DCLK1: variants seen among roughly 807,000 people sequenced by gnomAD.
DCLK1 encodes doublecortin like kinase 1, also known as serine/threonine-protein kinase DCLK1.
A neutral mutation model predicts 86.2 loss-of-function variants in DCLK1; 16 were observed. The observed-to-expected ratio is 0.19, with a 90% CI of 0.13 to 0.28. The LOEUF is 0.28. Among genes scored for constraint, DCLK1 ranks in the 10% least tolerant of loss-of-function variants. The pLI is 1.00. For missense variants in DCLK1, 590 were observed against 940.2 expected (o/e 0.63, Z 4.87); for synonymous variants, 369 against 370.5 (o/e 1.00, Z 0.05).
chr13:36,114,516 C>T (rs1370055792), intron 2 of DCLK1, among the ~76,000 whole-genome samples: 2 of 152,328 alleles, frequency 1.3e-5, no homozygotes, highest in East Asian at 3.9e-4. Flanking sequence ...CATTTAGAGT[C>T]TGTGACACTA....
rs1023697400 is a variant in DCLK1 at position 35,769,780 on chromosome 13, G to A, written c.*4755C>T. 6.6e-6 allele frequency: 1 copy of A among 152,080 alleles called. No homozygotes were observed. Among genetic ancestry groups the A allele is most frequent in the African/African-American group, 2.4e-5 (1 of 41,412 alleles). 9.4% of individuals were successfully genotyped at this position (152,080 alleles called of 1,614,324 possible). ...ATTTTACATTAAAGCAACATTAAGG[G>A]TCTCAATTTCATTGAACAGAAACAA... On this transcript the variant is annotated 3_prime_UTR_variant, in exon 17 of 17. Transcript: ENST00000360631.
Position 35,864,336 on chromosome 13 carries a change from C to A in DCLK1, c.940+6888G>T, listed in dbSNP as rs138801057. 1.6e-5 allele frequency among the ~76,000 whole-genome samples: 2 copies of A among 124,826 alleles called. 1 individual carries two copies. Among genetic ancestry groups the A allele is most frequent in the Admixed American group, 1.6e-4 (2 of 12,192 alleles). The allele number at this position is 124,826 out of a possible 152,430, so 81.9% of individuals were successfully genotyped here. On this transcript the variant is annotated intron_variant, in intron 5 of 16. Coordinates refer to ENST00000360631, the MANE Select transcript of DCLK1 (RefSeq NM_001330071.2). ...ATCCCAGCACTTTGGGAGGCCGAGG[C>A]GGGCGGATCACGAGGTCAGGAGATC...
chr13:36,074,777 C>CT (rs937503104), intron 3 of DCLK1, among the ~76,000 whole-genome samples: 122 of 152,294 alleles, frequency 8.0e-4, no homozygotes, highest in African/African-American at 2.7e-3. Context: ...CTAAGAGTCC[C>CT]ACTGCCTGTT....
intron 16 of DCLK1, among the ~76,000 whole-genome samples, chr13:35,778,314 T>C (rs1405791585): frequency 1.3e-5 from 2 of 152,218 alleles, no homozygotes; most frequent in Admixed American, 6.5e-5. Context: ...GGTGTATACC[T>C]ATTATTACTC....
chr13:36,024,052 C>T (rs769807143), intron 3 of DCLK1, among the ~76,000 whole-genome samples: 6 of 151,770 alleles, frequency 4.0e-5, no homozygotes, highest in Non-Finnish European at 5.9e-5. Flanking sequence ...CCCACTATCA[C>T]GCCTGGCTAA....
chr13:35,882,174 A>G (rs1430854610), intron 4 of DCLK1, among the ~76,000 whole-genome samples: 3 of 151,514 alleles, frequency 2.0e-5, no homozygotes, highest in Non-Finnish European at 4.4e-5. Context: ...GTTTCTGGTG[A>G]CTCCAGGCAT....
intron 3 of DCLK1, among the ~76,000 whole-genome samples, chr13:35,960,875 TATTACTG>T (rs1410953714): frequency 6.6e-6 from 1 of 152,256 alleles, no homozygotes; most frequent in Non-Finnish European, 1.5e-5. Flanking sequence ...ACTTGTCTCA[TATTACTG>T]ATGGCCTTCT....
At chr13:36,006,035 T>G (rs551485856) in intron 3 of DCLK1, among the ~76,000 whole-genome samples, 9 of 151,988 alleles carry the variant, frequency 5.9e-5, no homozygotes, top group Admixed American at 1.3e-4. Flanking sequence ...GGAAAGAGGA[T>G]GGAGAGCATT....
chr13:35,960,136 C>T (rs924851766), intron 3 of DCLK1, among the ~76,000 whole-genome samples: 2 of 152,132 alleles, frequency 1.3e-5, no homozygotes, highest in African/African-American at 2.4e-5. Flanking sequence ...AGAGGTAAAA[C>T]TAAACCCCTC....
intron 11 of DCLK1, 79 bp downstream of exon 11, chr13:35,822,650 A>G: frequency 6.3e-7 from 1 of 1,586,900 alleles, no homozygotes. Flanking sequence ...AAAAAAAGAA[A>G]GAAAAGAAAA....
At chr13:35,823,160 G>A (rs1418185062) in intron 10 of DCLK1, among the ~76,000 whole-genome samples, 1 of 152,144 alleles carries the variant, frequency 6.6e-6, no homozygotes, top group Non-Finnish European at 1.5e-5. Flanking sequence ...CCAGCTAGGG[G>A]ACGAGGAGAT....
chr13:35,875,107 T>A (rs1027367030), intron 4 of DCLK1, among the ~76,000 whole-genome samples: 3 of 152,220 alleles, frequency 2.0e-5, no homozygotes, highest in Non-Finnish European at 2.9e-5. Flanking sequence ...CTAATTTTTA[T>A]TTCATGGACC....
intron 4 of DCLK1, among the ~76,000 whole-genome samples, chr13:35,884,840 A>G (rs1873132142): frequency 6.6e-6 from 1 of 152,168 alleles, no homozygotes; most frequent in African/African-American, 2.4e-5. Context: ...AGGTAAGGGT[A>G]CTGTTTTGGA....
intron 4 of DCLK1, among the ~76,000 whole-genome samples, chr13:35,904,301 C>T (rs899082080): frequency 4.6e-5 from 7 of 152,114 alleles, no homozygotes; most frequent in East Asian, 1.9e-4. Flanking sequence ...CTGCAATCTC[C>T]GCCTCCTGGG....
Position 35,850,441 on chromosome 13 carries a change from G to C in DCLK1, c.1035+4058C>G, listed in dbSNP as rs1205704348. ...TGTACTCAATATTGGGTCCGTGTAT[G>C]AAATTCATCTAGAGCCAGGCCCTGT... On this transcript the variant is annotated intron_variant, in intron 6 of 16. Coordinates refer to ENST00000360631, the MANE Select transcript of DCLK1 (RefSeq NM_001330071.2). 5 of 1,100,068 alleles carry C rather than the reference G, an allele frequency of 4.5e-6. No homozygotes were observed. The African/African-American group carries it at 8.2e-5, about 18-fold the overall frequency. The allele number at this position is 1,100,068 out of a possible 1,614,324, so 68.1% of individuals were successfully genotyped here. A position where few individuals can be genotyped will look rare whatever the true frequency, so the allele number is the denominator to read the frequency against.
At chr13:36,020,688 C>T (rs142178275) in intron 3 of DCLK1, among the ~76,000 whole-genome samples, 153 of 152,048 alleles carry the variant, frequency 1.0e-3, no homozygotes, top group African/African-American at 3.3e-3. Flanking sequence ...TTGTTGGAAA[C>T]GGTGGTGACC....
At chr13:36,077,409 T>A (rs923295054) in intron 3 of DCLK1, among the ~76,000 whole-genome samples, 1 of 152,100 alleles carries the variant, frequency 6.6e-6, no homozygotes, top group Non-Finnish European at 1.5e-5. Context: ...TTTGCCAGCA[T>A]CCCCCTGGAA....
At chr13:35,815,865 A>G (rs1463577794) in intron 11 of DCLK1, among the ~76,000 whole-genome samples, 1 of 152,206 alleles carries the variant, frequency 6.6e-6, no homozygotes, top group East Asian at 1.9e-4. Context: ...CAAAAATTAA[A>G]TGAAATAATA....
chr13:35,813,240 T>G (rs539405705), intron 11 of DCLK1, among the ~76,000 whole-genome samples: 3 of 152,354 alleles, frequency 2.0e-5, no homozygotes, highest in South Asian at 2.1e-4. Context: ...ATTCATTCTG[T>G]GTGCTTTGTG....
Sources: allele counts gnomAD v4.1 joint callset (sites outside exome capture counted in the v4.1 genomes callset), GRCh38; gene constraint gnomAD v4.1.1; transcripts MANE v1.5; gene names NCBI Gene and HGNC (gene_info 2026-07-23, HGNC 2026-07-21).